PPARD: variants seen among roughly 807,000 people sequenced by gnomAD.
PPARD encodes peroxisome proliferator-activated receptor delta.
PPARD carries 6 observed loss-of-function variants against 39.5 expected under a neutral mutation model. That is an observed-to-expected ratio of 0.15 (90% CI 0.08 to 0.30). The LOEUF (loss-of-function observed/expected upper bound fraction) is 0.30, where lower values mean the gene tolerates loss of function less well. PPARD is among the 10% of genes least tolerant of loss of function. The pLI, the probability that PPARD is intolerant of heterozygous loss-of-function variation, is 1.00. For synonymous variants in PPARD, 210 were observed against 231.3 expected (o/e 0.91, Z 0.83); for missense variants, 397 against 596.8 (o/e 0.67, Z 3.49).
At chr6:35,384,448 C>G (rs1413562902) in intron 2 of PPARD, among the ~76,000 whole-genome samples, 17 of 110,708 alleles carry the variant, frequency 1.5e-4, no homozygotes, top group African/African-American at 3.7e-4. Context: ...CGGGGTCAGC[C>G]CCCCGCCCGG....
At chr6:35,386,315 ATTTTTTT>A (rs751089075) in intron 2 of PPARD, among the ~76,000 whole-genome samples, 22 of 120,418 alleles carry the variant, frequency 1.8e-4, no homozygotes, top group South Asian at 2.8e-4. Context: ...CACCTCTACA[ATTTTTTT>A]TTTTTTTTTT....
chr6:35,423,795 C>A, intron 5 of PPARD, 151 bp from the exon 6 acceptor site: 1 of 652,188 alleles, frequency 1.5e-6, no homozygotes, highest in Non-Finnish European at 2.6e-6. Flanking sequence ...TCTGGAGGGG[C>A]CACCCCATCA....
At chr6:35,346,169 A>G (rs1328645601) in intron 1 of PPARD, among the ~76,000 whole-genome samples, 1 of 151,994 alleles carries the variant, frequency 6.6e-6, no homozygotes, top group African/African-American at 2.4e-5. Flanking sequence ...GTGAGCCACC[A>G]CAACCAGCCT....
intron 2 of PPARD, among the ~76,000 whole-genome samples, chr6:35,355,615 T>C (rs1341720654): frequency 8.6e-6 from 1 of 115,634 alleles, no homozygotes; most frequent in Admixed American, 8.3e-5. Context: ...TTTTTTTTTT[T>C]TTTTTTTTTT....
At position 35,347,081 on chromosome 6, in the gene PPARD, T is replaced by C; in HGVS notation, c.-171T>C. On this transcript the variant is annotated 5_prime_UTR_variant, in exon 2 of 8. Transcript: ENST00000360694. ...CTATCCTGCAGTGTTGTACAGTGTTTTGGGCATGCACGTGATACTCACACA... is the reference window on the plus strand; with the variant it reads ...CTATCCTGCAGTGTTGTACAGTGTTCTGGGCATGCACGTGATACTCACACA... 6.5e-7 allele frequency: 1 copy of C among 1,535,436 alleles called. No individual in the cohort carries two copies. Among genetic ancestry groups the C allele is most frequent in the Non-Finnish European group, 8.7e-7 (1 of 1,146,342 alleles).
intron 1 of PPARD, among the ~76,000 whole-genome samples, chr6:35,346,432 C>T (rs144823424): frequency 1.8e-3 from 268 of 152,322 alleles, no homozygotes; most frequent in Middle Eastern, 0.01. Context: ...AAGCCCTGTG[C>T]CCGGTGCCAT....
intron 2 of PPARD, among the ~76,000 whole-genome samples, chr6:35,354,843 T>G (rs768778378): frequency 6.6e-6 from 1 of 152,290 alleles, no homozygotes; most frequent in East Asian, 1.9e-4. Context: ...TTGAGGAACA[T>G]TTGTAGCCAT....
chr6:35,422,482 G>C (rs866263651), intron 5 of PPARD, among the ~76,000 whole-genome samples: 18 of 152,208 alleles, frequency 1.2e-4, no homozygotes, highest in African/African-American at 4.3e-4. Flanking sequence ...TGTGCTCCAG[G>C]CCTCCTGCAG....
At position 35,363,424 on chromosome 6, in the gene PPARD, C is replaced by T. The variant is rs1264622501; in HGVS notation, c.-102+16274C>T. 6.6e-6 allele frequency among the ~76,000 whole-genome samples: 1 copy of T among 152,226 alleles called. No homozygotes were observed. The highest frequency in any genetic ancestry group is 1.5e-5 in the Non-Finnish European group (1 of 68,038). On this transcript the variant is annotated intron_variant, in intron 2 of 7. Transcript: ENST00000360694. This position sits in a 1 kb window ranked among gnomAD's most constrained non-coding sequence, Gnocchi z 4.5. ...AAGCCTGCGCCACCGCCTCTCCCTT[C>T]ACCACTCCCAAGCTATAATTAAGTT... is the stretch of plus-strand genomic sequence containing the variant.
At chr6:35,374,316 G>A (rs929316053) in intron 2 of PPARD, among the ~76,000 whole-genome samples, 1 of 150,118 alleles carries the variant, frequency 6.7e-6, no homozygotes, top group Non-Finnish European at 1.5e-5. Context: ...GGTGGGGCGG[G>A]GGGGTTTAGT....
intron 2 of PPARD, among the ~76,000 whole-genome samples, chr6:35,365,825 G>A (rs1762184526): frequency 6.6e-6 from 1 of 151,766 alleles, no homozygotes; most frequent in Admixed American, 6.6e-5. Flanking sequence ...TGATGAATGT[G>A]CAGGTGACTT....
At chr6:35,406,092 A>C (rs1426109121) in intron 2 of PPARD, among the ~76,000 whole-genome samples, 1 of 151,208 alleles carries the variant, frequency 6.6e-6, no homozygotes, top group Non-Finnish European at 1.5e-5. Context: ...CACCTATCTG[A>C]TTTTTGTGTT....
chr6:35,346,629 G>A (rs1007102428), intron 1 of PPARD, among the ~76,000 whole-genome samples: 1 of 152,184 alleles, frequency 6.6e-6, no homozygotes, highest in African/African-American at 2.4e-5. Context: ...CTTGCATCAG[G>A]TTTCAGACAT....
At chr6:35,379,339 T>A (rs1445528597) in intron 2 of PPARD, among the ~76,000 whole-genome samples, 1 of 152,138 alleles carries the variant, frequency 6.6e-6, no homozygotes, top group Non-Finnish European at 1.5e-5. Flanking sequence ...CCTGACCTTG[T>A]GGTCTGCCCA....
At chr6:35,356,528 T>C (rs773864483) in intron 2 of PPARD, among the ~76,000 whole-genome samples, 1 of 152,240 alleles carries the variant, frequency 6.6e-6, no homozygotes, top group Non-Finnish European at 1.5e-5. Flanking sequence ...TTGACTCTCT[T>C]TGCCTCCTAG....
chr6:35,424,592 C>T lies in PPARD; in HGVS notation c.891C>T (p.Ile297=), dbSNP rs77124831. 1.2e-3 allele frequency: 1,894 copies of T among 1,614,234 alleles called. 2 individuals are homozygous for T. Among genetic ancestry groups the T allele is most frequent in the Non-Finnish European group, 1.4e-3 (1,705 of 1,180,034 alleles). The change falls in exon 7 of 8, where the codon ATC becomes ATT. Residue 297 remains isoleucine (I), a synonymous_variant. Coordinates refer to ENST00000360694, the MANE Select transcript of PPARD (RefSeq NM_006238.5). This position sits in a 1 kb window ranked among gnomAD's most constrained non-coding sequence, Gnocchi z 7.1. The stretch of plus-strand genomic sequence containing the variant: ...CCATCTTCGCCATGCTGGCCTCTAT[C>T]GTCAACAAGGACGGGCTGCTGGTAG... ...HEAIFAMLAS[I]VNKDGLLVAN... is the part of the protein sequence containing the mutation.
intron 1 of PPARD, among the ~76,000 whole-genome samples, chr6:35,345,299 T>C (rs138861666): frequency 1.3e-3 from 194 of 152,240 alleles, no homozygotes; most frequent in Middle Eastern, 0.01. Context: ...CCTTCTTTCT[T>C]TTCTGACACA....
rs1170617869 is a variant in PPARD, at chr6:35,416,374, C to CAA, written c.131-3718_131-3717dup. On this transcript the variant is annotated intron_variant, in intron 3 of 7. Coordinates refer to ENST00000360694, the MANE Select transcript of PPARD (RefSeq NM_006238.5). ...GGGGAACAAAAGCGAGACTTCATCT[C>CAA]AAAAAAAAAAAAAAAAAAAAAAAAA... Among the ~76,000 whole-genome samples, 43 of 52,610 alleles carry CAA rather than the reference C, an allele frequency of 8.2e-4. 8 individuals carry two copies. The highest frequency in any genetic ancestry group is 1.7e-3 in the East Asian group (2 of 1,212). 34.5% of individuals were successfully genotyped at this position (52,610 alleles called of 152,430 possible).
chr6:35,370,772 G>A (rs1367878567), intron 2 of PPARD, among the ~76,000 whole-genome samples: 1 of 152,166 alleles, frequency 6.6e-6, no homozygotes, highest in Non-Finnish European at 1.5e-5. Flanking sequence ...TGTGGTAACT[G>A]CTTTTTAGAT....
Sources: allele counts gnomAD v4.1 joint callset (sites outside exome capture counted in the v4.1 genomes callset), GRCh38; gene constraint gnomAD v4.1.1; non-coding constraint Gnocchi (gnomAD v3.1); transcripts MANE v1.5; gene names NCBI Gene and HGNC (gene_info 2026-07-23, HGNC 2026-07-21).